CSMD1: variants seen among roughly 807,000 people sequenced by gnomAD.
CSMD1 encodes CUB and sushi domain-containing protein 1.
Under a neutral mutation model 417.5 loss-of-function variants are expected in CSMD1, and 213 were observed. The observed-to-expected ratio is 0.51, with a 90% CI of 0.46 to 0.57. CSMD1 has a LOEUF of 0.57. CSMD1 is among the 20% of genes least tolerant of loss of function. The pLI, the probability that CSMD1 is intolerant of heterozygous loss-of-function variation, is 0.00. For synonymous variants in CSMD1, 2,862 were observed against 1,736.8 expected (o/e 1.65, Z -16.11); for missense variants, 6,923 against 4,529.7 (o/e 1.53, Z -15.17).
chr8:4,451,130 C>A (rs12549823), intron 2 of CSMD1, among the ~76,000 whole-genome samples: 1 of 152,086 alleles, frequency 6.6e-6, no homozygotes, highest in Non-Finnish European at 1.5e-5. Context: ...GAGATCCAGA[C>A]TAGCCTGGGC....
chr8:4,465,747 G>C (rs13252925), intron 2 of CSMD1, among the ~76,000 whole-genome samples: 18,010 of 152,192 alleles, frequency 0.12, 1,319 homozygotes, highest in Middle Eastern at 0.17. Flanking sequence ...ACTCTAGTTT[G>C]TAGGTCATCT....
intron 3 of CSMD1, among the ~76,000 whole-genome samples, chr8:4,159,163 G>C (rs1010148353): frequency 6.6e-5 from 10 of 152,112 alleles, no homozygotes; most frequent in Admixed American, 5.9e-4. Context: ...TAATCCACCT[G>C]TCTCGGCCTC....
At chr8:3,455,440 G>GT (rs1455583593) in intron 12 of CSMD1, among the ~76,000 whole-genome samples, 1 of 152,170 alleles carries the variant, frequency 6.6e-6, no homozygotes, top group Non-Finnish European at 1.5e-5. Flanking sequence ...CATCTTTGTG[G>GT]TTTTATCTTC....
chr8:4,509,138 A>G (rs1303612221), intron 2 of CSMD1, among the ~76,000 whole-genome samples: 1 of 152,216 alleles, frequency 6.6e-6, no homozygotes, highest in Non-Finnish European at 1.5e-5. Context: ...AAAATAAACA[A>G]TAGACCTTTT....
intron 3 of CSMD1, among the ~76,000 whole-genome samples, chr8:4,225,615 C>A (rs1326585512): frequency 6.6e-6 from 1 of 151,492 alleles, no homozygotes; most frequent in Non-Finnish European, 1.5e-5. Flanking sequence ...TGCTGTTGTC[C>A]ATTTTCCTGT....
chr8:4,876,883 G>T (rs1563652571), intron 1 of CSMD1, among the ~76,000 whole-genome samples: 1 of 151,922 alleles, frequency 6.6e-6, no homozygotes, highest in Non-Finnish European at 1.5e-5. Context: ...TGAGCAAAAA[G>T]GCAAAGAACA....
intron 1 of CSMD1, among the ~76,000 whole-genome samples, chr8:4,856,055 C>T (rs939916272): frequency 6.6e-6 from 1 of 152,172 alleles, no homozygotes; most frequent in African/African-American, 2.4e-5. Context: ...ATCAGAGTAA[C>T]AGCGGATCTC....
intron 23 of CSMD1, among the ~76,000 whole-genome samples, chr8:3,342,500 T>A (rs1444297599): frequency 6.6e-6 from 1 of 152,236 alleles, no homozygotes; most frequent in Non-Finnish European, 1.5e-5. Flanking sequence ...TTAGTTAATT[T>A]TAATTACTTA....
intron 2 of CSMD1, among the ~76,000 whole-genome samples, chr8:4,446,053 G>T (rs1250912922): frequency 1.3e-5 from 2 of 152,190 alleles, no homozygotes; most frequent in Non-Finnish European, 2.9e-5. Context: ...CCAAGAAGAG[G>T]AGACGAGGCT....
intron 7 of CSMD1, among the ~76,000 whole-genome samples, chr8:3,630,350 G>T (rs569340489): frequency 6.6e-6 from 1 of 152,166 alleles, no homozygotes; most frequent in African/African-American, 2.4e-5. Context: ...CTCTTGCCCA[G>T]TAAACAGCAG....
intron 2 of CSMD1, among the ~76,000 whole-genome samples, chr8:4,533,031 C>T (rs920709120): frequency 6.6e-6 from 1 of 152,324 alleles, no homozygotes; most frequent in Admixed American, 6.5e-5. Context: ...CGGAGTTTCT[C>T]CTCCCTAGAT....
chr8:3,027,509 T>G (rs1353224309), intron 51 of CSMD1, among the ~76,000 whole-genome samples: 1 of 152,218 alleles, frequency 6.6e-6, no homozygotes, highest in Non-Finnish European at 1.5e-5. Flanking sequence ...AAATCATTTT[T>G]TTAAAAGTCA....
intron 3 of CSMD1, among the ~76,000 whole-genome samples, chr8:4,072,664 T>G (rs1799620341): frequency 6.6e-6 from 1 of 152,218 alleles, no homozygotes; most frequent in African/African-American, 2.4e-5. Context: ...GCTTCCCCTT[T>G]ATTTCTGTGG....
chr8:4,134,159 G>T (rs924244481), intron 3 of CSMD1, among the ~76,000 whole-genome samples: 3 of 152,124 alleles, frequency 2.0e-5, no homozygotes, highest in Non-Finnish European at 1.5e-5. Flanking sequence ...TGAAACTCAT[G>T]TGTATGTTTG....
At chr8:4,639,562 A>C (rs1479017521) in intron 1 of CSMD1, among the ~76,000 whole-genome samples, 2 of 152,180 alleles carry the variant, frequency 1.3e-5, no homozygotes, top group Admixed American at 1.3e-4. Context: ...AATGTGCTTT[A>C]AATGTATTTA....
At chr8:3,792,817 C>G (rs1328663557) in intron 5 of CSMD1, among the ~76,000 whole-genome samples, 1 of 152,174 alleles carries the variant, frequency 6.6e-6, no homozygotes, top group African/African-American at 2.4e-5. Flanking sequence ...GACAGAGAAA[C>G]AACTACTCTC....
At chr8:4,230,825 A>C (rs1801677133) in intron 3 of CSMD1, among the ~76,000 whole-genome samples, 1 of 152,114 alleles carries the variant, frequency 6.6e-6, no homozygotes, top group African/African-American at 2.4e-5. Flanking sequence ...GCAGTGTCAC[A>C]ATGTATTTTT....
chr8:4,118,717 T>C (rs7826233), intron 3 of CSMD1, among the ~76,000 whole-genome samples: 150,676 of 152,312 alleles, frequency 0.99, 74,554 homozygotes, highest in East Asian at 1. Flanking sequence ...AGAAATACCA[T>C]TTGACCCAGC....
chr8:3,427,108 T>C (rs765430889), intron 12 of CSMD1, among the ~76,000 whole-genome samples: 1 of 152,186 alleles, frequency 6.6e-6, no homozygotes, highest in Admixed American at 6.5e-5. Flanking sequence ...TCGATCACTC[T>C]ACTTGGCCTC....
Sources: gnomAD v4.1 joint callset for allele counts (sites outside exome capture counted in the v4.1 genomes callset) on GRCh38, gnomAD v4.1.1 for gene constraint, MANE v1.5 for transcripts, NCBI Gene and HGNC (gene_info 2026-07-23, HGNC 2026-07-21) for gene names.